The following CHIC2 variants were observed in gnomAD, a reference collection of about 807,000 sequenced individuals.
CHIC2 encodes the protein cysteine rich hydrophobic domain 2, also known as cysteine-rich hydrophobic domain-containing protein 2.
Under a neutral mutation model 25.9 loss-of-function variants are expected in CHIC2, and 14 were observed. That is an observed-to-expected ratio of 0.54 (90% CI 0.36 to 0.85). The LOEUF (loss-of-function observed/expected upper bound fraction) is 0.85, where lower values mean the gene tolerates loss of function less well. Ranked by LOEUF, CHIC2 falls within the 40% of genes least tolerant of loss-of-function variation. CHIC2 has a pLI of 0.01. For missense variants in CHIC2, 146 were observed against 202.0 expected (o/e 0.72, Z 1.68); for synonymous variants, 70 against 72.0 (o/e 0.97, Z 0.14).
At chr4:54,061,158 C>T (rs1312286475) in intron 1 of CHIC2, 1 of 152,124 alleles carries the variant, frequency 6.6e-6, no homozygotes, top group Non-Finnish European at 1.5e-5. Flanking sequence ...TTAAAAGCCA[C>T]TTTAAAGCAG....
chr4:54,022,926 T>C (rs931746226), intron 3 of CHIC2, among the ~76,000 whole-genome samples: 1 of 152,202 alleles, frequency 6.6e-6, no homozygotes, highest in Non-Finnish European at 1.5e-5. Context: ...ACAAGTCTTA[T>C]AGGTTAGTTC....
Position 54,047,051 on chromosome 4 carries a change from C to T in CHIC2, c.330+1904G>A, listed in dbSNP as rs1056254507. Among the ~76,000 whole-genome samples, 964 of 152,262 alleles carry T rather than the reference C, an allele frequency of 6.3e-3. 15 individuals are homozygous for T. Among genetic ancestry groups the T allele is most frequent in the African/African-American group, 0.022 (917 of 41,564 alleles). On this transcript the variant is annotated intron_variant, in intron 3 of 5. Coordinates refer to ENST00000263921, the MANE Select transcript of CHIC2 (RefSeq NM_012110.4). ...CAGCCAAAAAACACATGAAAAAATG[C>T]TCATCATCACTGGCCATCAGAGAAA...
intron 1 of CHIC2, among the ~76,000 whole-genome samples, chr4:54,058,539 C>T (rs1413754570): frequency 8.4e-6 from 1 of 119,134 alleles, no homozygotes; most frequent in Non-Finnish European, 1.7e-5. Context: ...TCAAAAGTCA[C>T]ATACACACAT....
upstream of CHIC2, among the ~76,000 whole-genome samples, chr4:54,067,284 G>C (rs1181783438): frequency 4.1e-5 from 3 of 72,920 alleles, no homozygotes; most frequent in East Asian, 8.4e-4. Context: ...TTTCCTTTCT[G>C]TGTGTGTGTG....
At chr4:54,058,682 T>G (rs1487551072) in intron 1 of CHIC2, among the ~76,000 whole-genome samples, 1 of 152,092 alleles carries the variant, frequency 6.6e-6, no homozygotes, top group Non-Finnish European at 1.5e-5. Flanking sequence ...TAATAAAATC[T>G]AAATAGCTTT....
chr4:54,084,132 T>C, the CHIC2 span, among the ~76,000 whole-genome samples: 1,034 of 152,290 alleles, frequency 6.8e-3, 17 homozygotes, highest in African/African-American at 0.024. Flanking sequence ...ATCACACACT[T>C]ACTTGAATTC....
At chr4:54,045,068 C>T (rs1162266408) in intron 3 of CHIC2, among the ~76,000 whole-genome samples, 7 of 152,098 alleles carry the variant, frequency 4.6e-5, no homozygotes, top group East Asian at 3.9e-4. Flanking sequence ...ATAAATTCCT[C>T]GACACATACA....
chr4:54,016,756 A>C (rs1260365367), intron 3 of CHIC2, among the ~76,000 whole-genome samples: 1 of 152,058 alleles, frequency 6.6e-6, no homozygotes, highest in Non-Finnish European at 1.5e-5. Flanking sequence ...AGGTGAGAAC[A>C]TACAAAACCA....
rs2110097211 is a variant in CHIC2, at chr4:54,064,149, C to T, written c.119+33G>A. ...GAGTAACGGGGCCCACCCCAGCCCG[C>T]ACCTCCCGCCCTCGCCCTCCTCCGG... On this transcript the variant is annotated intron_variant, in intron 1 of 5. Coordinates refer to ENST00000263921, the MANE Select transcript of CHIC2 (RefSeq NM_012110.4). This position sits in a 1 kb window ranked among gnomAD's most constrained non-coding sequence, Gnocchi z 4.2. 3.8e-6 allele frequency: 6 copies of T among 1,570,014 alleles called. No homozygotes were observed. In the South Asian group the frequency reaches 5.8e-5, roughly 15 times the overall value.
chr4:54,032,801 C>T (rs921988411), intron 3 of CHIC2, among the ~76,000 whole-genome samples: 3 of 152,188 alleles, frequency 2.0e-5, no homozygotes, highest in African/African-American at 7.2e-5. Flanking sequence ...AGGATAGATT[C>T]TGCTCTGCTA....
At chr4:54,026,060 T>C (rs1716048976) in intron 3 of CHIC2, among the ~76,000 whole-genome samples, 1 of 152,072 alleles carries the variant, frequency 6.6e-6, no homozygotes. Context: ...ATATGGCGGC[T>C]TGGACTACTT....
intron 1 of CHIC2, among the ~76,000 whole-genome samples, chr4:54,050,516 C>T (rs771696828): frequency 9.2e-5 from 14 of 152,060 alleles, no homozygotes; most frequent in Admixed American, 4.6e-4. Flanking sequence ...TATATCTTAT[C>T]TTAAAAAACA....
intron 3 of CHIC2, among the ~76,000 whole-genome samples, chr4:54,045,932 G>A (rs1716770826): frequency 6.6e-6 from 1 of 152,198 alleles, no homozygotes; most frequent in Non-Finnish European, 1.5e-5. Flanking sequence ...TCCTTAAGCT[G>A]ATAAGCAACT....
rs986229880 is a variant in CHIC2 at position 54,049,322 on chromosome 4, G to A, written c.120-17C>T. The A allele has an allele frequency of 6.6e-7, 1 of 1,520,034 alleles. No homozygotes were observed. The highest frequency in any genetic ancestry group is 9.0e-7 in the Non-Finnish European group (1 of 1,107,002). 94.2% of individuals were successfully genotyped at this position (1,520,034 alleles called of 1,614,324 possible). A position where few individuals can be genotyped will look rare whatever the true frequency, so the allele number is the denominator to read the frequency against. On this transcript the variant is annotated splice_polypyrimidine_tract_variant and intron_variant, in intron 1 of 5. Coordinates refer to ENST00000263921, the MANE Select transcript of CHIC2 (RefSeq NM_012110.4). Reference sequence around the variant, plus strand: ...AGTCCAAATCTATTTTAAAAAATAAGAAGAATATGTTATTACATGTTATTG... The same window carrying A: ...AGTCCAAATCTATTTTAAAAAATAAAAAGAATATGTTATTACATGTTATTG...
At chr4:54,032,498 C>T (rs1577971459) in intron 3 of CHIC2, among the ~76,000 whole-genome samples, 1 of 152,136 alleles carries the variant, frequency 6.6e-6, no homozygotes, top group African/African-American at 2.4e-5. Flanking sequence ...CAGCTCCTAA[C>T]CGCGAGTGAT....
chr4:54,073,809 A>G, the CHIC2 span, among the ~76,000 whole-genome samples: 2 of 152,334 alleles, frequency 1.3e-5, no homozygotes, highest in Non-Finnish European at 2.9e-5. Flanking sequence ...CCTGGATATC[A>G]TAAGAAACAG....
At chr4:54,031,382 A>C (rs978350860) in intron 3 of CHIC2, among the ~76,000 whole-genome samples, 1 of 152,054 alleles carries the variant, frequency 6.6e-6, no homozygotes, top group African/African-American at 2.4e-5. Flanking sequence ...CTTATGCAAC[A>C]TTATGATCTT....
the CHIC2 span, among the ~76,000 whole-genome samples, chr4:54,072,722 C>T: frequency 6.6e-6 from 1 of 152,290 alleles, no homozygotes; most frequent in South Asian, 2.1e-4. Context: ...TGGTTCTTGT[C>T]TCTGAGGACA....
chr4:54,010,058 C>A lies in CHIC2; in HGVS notation c.*37G>T, dbSNP rs139151247. 2 of 1,470,044 alleles carry A rather than the reference C, an allele frequency of 1.4e-6. No homozygotes were observed. The highest frequency in any genetic ancestry group is 2.8e-5 in the African/African-American group (2 of 71,144). The allele number at this position is 1,470,044 out of a possible 1,614,324, so 91.1% of individuals were successfully genotyped here. A position where few individuals can be genotyped will look rare whatever the true frequency, so the allele number is the denominator to read the frequency against. ...ACCAAGCAAGGCACCATTGGAAAGA[C>A]AACATACTTGGAAAGTCTCTATAAA... On this transcript the variant is annotated 3_prime_UTR_variant, in exon 6 of 6. Transcript: ENST00000263921.
Sources: gnomAD v4.1 joint callset for allele counts (sites outside exome capture counted in the v4.1 genomes callset) on GRCh38, gnomAD v4.1.1 for gene constraint, Gnocchi (gnomAD v3.1) non-coding constraint, MANE v1.5 for transcripts, NCBI Gene and HGNC (gene_info 2026-07-23, HGNC 2026-07-21) for gene names.